The following HBS1L variants were observed in gnomAD, a reference collection of about 807,000 sequenced individuals.
HBS1L encodes the protein HBS1 like translational GTPase.
HBS1L carries 55 observed loss-of-function variants against 88.9 expected under a neutral mutation model. The observed-to-expected ratio is 0.62, with a 90% CI of 0.50 to 0.77. The LOEUF is 0.77. HBS1L is among the 30% of genes least tolerant of loss of function. The pLI is 0.00. For synonymous variants in HBS1L, 267 were observed against 288.5 expected (o/e 0.93, Z 0.76); for missense variants, 741 against 829.3 (o/e 0.89, Z 1.31).
chr6:134,973,816 C>T (rs1774563231), intron 15 of HBS1L, among the ~76,000 whole-genome samples: 1 of 150,390 alleles, frequency 6.6e-6, no homozygotes, highest in Non-Finnish European at 1.5e-5. Flanking sequence ...AGCCTGGATG[C>T]CAAAGCGAGA....
chr6:134,996,756 A>G, intron 7 of HBS1L, 21 bp downstream of exon 7: 1 of 1,547,484 alleles, frequency 6.5e-7, no homozygotes, highest in Non-Finnish European at 8.7e-7. Context: ...CAAACTGAAA[A>G]TTTTGAAATA....
chr6:135,026,084 A>G (rs1776219207), intron 4 of HBS1L, among the ~76,000 whole-genome samples: 1 of 152,226 alleles, frequency 6.6e-6, no homozygotes, highest in African/African-American at 2.4e-5. Flanking sequence ...TCAATTTGTC[A>G]TGCAAATATA....
At chr6:135,034,612 C>G (rs1018822667) in intron 4 of HBS1L, among the ~76,000 whole-genome samples, 1 of 152,190 alleles carries the variant, frequency 6.6e-6, no homozygotes, top group Non-Finnish European at 1.5e-5. Flanking sequence ...CCACTGCACT[C>G]CAGCCTGGGG....
In HBS1L at chr6:135,051,276, T is replaced by G. The variant is rs76407617; in HGVS notation, c.44-629A>C. 2.4e-3 allele frequency among the ~76,000 whole-genome samples: 368 copies of G among 152,252 alleles called. 19 individuals are homozygous for G. In the East Asian group the frequency reaches 0.066, roughly 27 times the overall value. On this transcript the variant is annotated intron_variant, in intron 1 of 17. Coordinates refer to ENST00000367837, the MANE Select transcript of HBS1L (RefSeq NM_006620.4). ...AAAAAATACTTAGTCTCTCCAGTGT[T>G]GACAAAAATCTGAAATAAACCATTT...
At position 135,039,786 on chromosome 6, in the gene HBS1L, G is replaced by A; in HGVS notation, c.236-19C>T. On this transcript the variant is annotated intron_variant, in intron 3 of 17. Coordinates refer to ENST00000367837, the MANE Select transcript of HBS1L (RefSeq NM_006620.4). ...AGACGAGCTAGAAAAGACGACAATGGTCAAAAGCTATACTAAATGGTGCAA... is the reference window on the plus strand; with the variant it reads ...AGACGAGCTAGAAAAGACGACAATGATCAAAAGCTATACTAAATGGTGCAA... 6.3e-7 allele frequency: 1 copy of A among 1,590,452 alleles called. No homozygotes were observed.
At chr6:134,996,101 G>A (rs1775281331) in intron 7 of HBS1L, among the ~76,000 whole-genome samples, 1 of 152,108 alleles carries the variant, frequency 6.6e-6, no homozygotes, top group African/African-American at 2.4e-5. Context: ...TGACACAGTT[G>A]ATATATCTGC....
intron 4 of HBS1L, among the ~76,000 whole-genome samples, chr6:135,028,512 T>G (rs906997510): frequency 1.2e-4 from 18 of 152,156 alleles, no homozygotes; most frequent in Non-Finnish European, 2.5e-4. Context: ...AACAAATCAT[T>G]TCAATGCTAC....
chr6:135,021,473 A>G (rs1441952855), intron 4 of HBS1L, among the ~76,000 whole-genome samples: 3 of 152,162 alleles, frequency 2.0e-5, no homozygotes, highest in Non-Finnish European at 2.9e-5. Flanking sequence ...AGACTAGCAA[A>G]TGACTTCATT....
chr6:134,998,488 A>G (rs566219566), intron 5 of HBS1L, among the ~76,000 whole-genome samples: 1 of 152,360 alleles, frequency 6.6e-6, no homozygotes, highest in Non-Finnish European at 1.5e-5. Flanking sequence ...TGCTTTAACA[A>G]CTATGGATAA....
intron 8 of HBS1L, among the ~76,000 whole-genome samples, chr6:134,992,413 T>C (rs764144176): frequency 1.3e-5 from 2 of 152,172 alleles, no homozygotes; most frequent in Non-Finnish European, 2.9e-5. Context: ...GTGATGATAC[T>C]GGTATAAACA....
At chr6:135,017,844 A>T (rs927613394) in intron 4 of HBS1L, among the ~76,000 whole-genome samples, 2 of 151,952 alleles carry the variant, frequency 1.3e-5, no homozygotes, top group African/African-American at 4.8e-5. Context: ...AAAATGGGGA[A>T]TTTTTTTATA....
At chr6:135,033,379 A>G (rs1776442305) in intron 4 of HBS1L, among the ~76,000 whole-genome samples, 1 of 152,208 alleles carries the variant, frequency 6.6e-6, no homozygotes, top group Non-Finnish European at 1.5e-5. Context: ...GAATAAGCAG[A>G]CACTTGGCTT....
Position 135,014,475 on chromosome 6 carries a change from G to A in HBS1L, c.431-11633C>T, listed in dbSNP as rs183031272. Among the ~76,000 whole-genome samples, 904 of 151,798 alleles carry A rather than the reference G, an allele frequency of 6.0e-3. 9 individuals carry two copies. The highest frequency in any genetic ancestry group is 0.018 in the African/African-American group (728 of 41,474). On this transcript the variant is annotated intron_variant, in intron 4 of 17. Coordinates refer to ENST00000367837, the MANE Select transcript of HBS1L (RefSeq NM_006620.4). ...GATGAACAGTACGATAAGATGAAAC[G>A]AAAAAAAGAGACAGAGAAATTAAGA... is the stretch of plus-strand genomic sequence containing the variant.
At chr6:134,969,634 A>C (rs1340982512) in intron 15 of HBS1L, among the ~76,000 whole-genome samples, 1 of 152,216 alleles carries the variant, frequency 6.6e-6, no homozygotes, top group Non-Finnish European at 1.5e-5. Context: ...ACAACATCTT[A>C]GTGTTGTTCT....
intron 12 of HBS1L, chr6:134,983,721 G>C (rs1399797862): frequency 6.6e-6 from 1 of 152,340 alleles, no homozygotes; most frequent in Admixed American, 6.6e-5. Flanking sequence ...ACAGATTTGG[G>C]AAGCATCAAG....
intron 4 of HBS1L, chr6:135,036,860 C>G: frequency 6.4e-7 from 1 of 1,551,644 alleles, no homozygotes; most frequent in East Asian, 2.4e-5. Flanking sequence ...TTCTTATTAT[C>G]CTTAGCAAAA....
chr6:135,035,750 C>CAAAAAAAAAAAAAAA (rs34517904), intron 4 of HBS1L: 5 of 71,084 alleles, frequency 7.0e-5, no homozygotes, highest in Non-Finnish European at 8.9e-5. Flanking sequence ...GACTCTGTCT[C>CAAAAAAAAAAAAAAA]AAAAAAAAAA....
intron 4 of HBS1L, chr6:135,038,055 G>T: frequency 2.8e-6 from 4 of 1,450,558 alleles, no homozygotes; most frequent in Non-Finnish European, 3.6e-6. Context: ...TTAATTTTCA[G>T]ATGAATAGGT....
intron 8 of HBS1L, among the ~76,000 whole-genome samples, chr6:134,993,536 T>C (rs1199126455): frequency 1.3e-5 from 2 of 152,334 alleles, no homozygotes; most frequent in Admixed American, 1.3e-4. Context: ...ATAGCTTTTA[T>C]ACATTTTGTT....
Sources: gnomAD v4.1 joint callset for allele counts (sites outside exome capture counted in the v4.1 genomes callset) on GRCh38, gnomAD v4.1.1 for gene constraint, MANE v1.5 for transcripts, NCBI Gene and HGNC (gene_info 2026-07-23, HGNC 2026-07-21) for gene names.